Variants in GRIK4 observed in about 807,000 individuals in gnomAD.
The protein encoded by GRIK4 is glutamate ionotropic receptor kainate type subunit 4.
GRIK4 carries 40 observed loss-of-function variants against 104.9 expected under a neutral mutation model. The observed-to-expected ratio is 0.38, with a 90% CI of 0.30 to 0.50. The LOEUF (loss-of-function observed/expected upper bound fraction) is 0.50, where lower values mean the gene tolerates loss of function less well. GRIK4 is among the 20% of genes least tolerant of loss of function. GRIK4 has a pLI of 0.93. For synonymous variants in GRIK4, 485 were observed against 524.9 expected, an observed-to-expected ratio of 0.92 and a Z score of 1.04; for missense variants, 1,047 against 1,308.1, an observed-to-expected ratio of 0.80 and a Z score of 3.08.
intron 1 of GRIK4, among the ~76,000 whole-genome samples, chr11:120,558,017 CAAA>C (rs59960959): frequency 6.1e-4 from 24 of 39,632 alleles, no homozygotes; most frequent in East Asian, 1.9e-3. Context: ...GACTCCGTCT[CAAA>C]AAAAAAAAAA....
At chr11:120,926,389 A>T (rs1163364183) in intron 13 of GRIK4, among the ~76,000 whole-genome samples, 1 of 152,242 alleles carries the variant, frequency 6.6e-6, no homozygotes, top group Non-Finnish European at 1.5e-5. Context: ...AAAGGCTGAC[A>T]CTTCTGGAAC....
intron 3 of GRIK4, among the ~76,000 whole-genome samples, chr11:120,678,247 T>A (rs572583110): frequency 6.2e-4 from 95 of 152,234 alleles, no homozygotes; most frequent in Non-Finnish European, 1.2e-3. Context: ...CCACCTCTGC[T>A]GGTTTCCTTT....
intron 9 of GRIK4, 53 bp downstream of exon 9, chr11:120,862,173 C>CACAGAGGGG: frequency 6.7e-7 from 1 of 1,491,292 alleles, no homozygotes; most frequent in Non-Finnish European, 9.2e-7. Flanking sequence ...GCACATTGCC[C>CACAGAGGGG]CTCTGTGGGC....
intron 19 of GRIK4, among the ~76,000 whole-genome samples, chr11:120,970,047 G>C (rs570922921): frequency 6.6e-6 from 1 of 152,124 alleles, no homozygotes; most frequent in African/African-American, 2.4e-5. Context: ...ACAGAGCCAG[G>C]CACATAGTAG....
intron 1 of GRIK4, among the ~76,000 whole-genome samples, chr11:120,527,474 G>A (rs368938486): frequency 3.3e-5 from 5 of 152,322 alleles, no homozygotes; most frequent in African/African-American, 9.6e-5. Context: ...GCAGAGGAGG[G>A]GAGCAGGGAG....
intron 10 of GRIK4, 102 bp downstream of exon 10, chr11:120,874,320 G>A (rs773469850): frequency 1.3e-5 from 12 of 918,244 alleles, no homozygotes; most frequent in East Asian, 2.7e-5. Context: ...TGCTCGAAAT[G>A]TGTCTGTTAT....
At chr11:120,785,095 G>A (rs1952237886) in intron 3 of GRIK4, among the ~76,000 whole-genome samples, 1 of 152,098 alleles carries the variant, frequency 6.6e-6, no homozygotes, top group Non-Finnish European at 1.5e-5. Context: ...TTCCCACTCT[G>A]TCCCATAAGT....
intron 2 of GRIK4, among the ~76,000 whole-genome samples, chr11:120,657,057 G>T (rs1443929814): frequency 6.6e-6 from 1 of 152,166 alleles, no homozygotes; most frequent in Non-Finnish European, 1.5e-5. Context: ...TGAGGTAAGT[G>T]ATTGTATTTA....
chr11:120,635,315 G>A (rs1336595531), intron 1 of GRIK4, among the ~76,000 whole-genome samples: 4 of 152,220 alleles, frequency 2.6e-5, no homozygotes, highest in Admixed American at 6.5e-5. Context: ...ATTGAGAGGC[G>A]TAGGTCAGAG....
chr11:120,734,379 T>C (rs1951188326), intron 3 of GRIK4, among the ~76,000 whole-genome samples: 2 of 152,214 alleles, frequency 1.3e-5, no homozygotes, highest in African/African-American at 4.8e-5. Context: ...CCCTAACCTG[T>C]AAGGTTTCCA....
At chr11:120,519,901 G>GT (rs529066169) in intron 1 of GRIK4, among the ~76,000 whole-genome samples, 5,333 of 92,032 alleles carry the variant, frequency 0.058, 133 homozygotes, top group South Asian at 0.14. Flanking sequence ...TGTTGTTGTT[G>GT]TTTTTTTTTG....
intron 3 of GRIK4, among the ~76,000 whole-genome samples, chr11:120,672,511 A>G (rs759530747): frequency 2.0e-5 from 3 of 152,244 alleles, no homozygotes; most frequent in Non-Finnish European, 4.4e-5. Context: ...CGAATCTGTG[A>G]ATTACTTTGG....
At chr11:120,629,161 A>T (rs1949300771) in intron 1 of GRIK4, among the ~76,000 whole-genome samples, 1 of 152,136 alleles carries the variant, frequency 6.6e-6, no homozygotes, top group Admixed American at 6.5e-5. Context: ...AAGAAGTTGG[A>T]GAGGTGGGGA....
At chr11:120,928,542 A>G (rs1943404518) in intron 13 of GRIK4, among the ~76,000 whole-genome samples, 2 of 152,144 alleles carry the variant, frequency 1.3e-5, no homozygotes, top group Admixed American at 6.5e-5. Context: ...AGTGAATAGA[A>G]GCCTGTAACA....
Position 120,940,246 on chromosome 11 carries a change from C to A in GRIK4, c.1477-101C>A. 1.4e-6 allele frequency: 1 copy of A among 693,496 alleles called. No homozygotes were observed. The allele number at this position is 693,496 out of a possible 1,614,324, so 43.0% of individuals were successfully genotyped here. A position where few individuals can be genotyped will look rare whatever the true frequency, so the allele number is the denominator to read the frequency against. The stretch of plus-strand genomic sequence containing the variant: ...CCACTCCTCAAGCAAGAAGCCAGAC[C>A]AGCATCACATCTCCAATAGCAGTGA... On this transcript the variant is annotated intron_variant, in intron 13 of 20. Transcript: ENST00000527524. This position sits in a 1 kb window ranked among gnomAD's most constrained non-coding sequence, Gnocchi z 4.3.
intron 3 of GRIK4, among the ~76,000 whole-genome samples, chr11:120,753,973 A>G (rs536850015): frequency 1.9e-4 from 29 of 152,246 alleles, no homozygotes; most frequent in Non-Finnish European, 1.2e-4. Context: ...GTCCCCATTC[A>G]TCCCAGCCCC....
chr11:120,787,812 G>T (rs1289288703), intron 3 of GRIK4, among the ~76,000 whole-genome samples: 1 of 145,124 alleles, frequency 6.9e-6, no homozygotes, highest in East Asian at 2.0e-4. Flanking sequence ...AATGACATAT[G>T]TGCCTTGCAT....
chr11:120,620,471 T>C (rs1055110759), intron 1 of GRIK4, among the ~76,000 whole-genome samples: 7 of 152,006 alleles, frequency 4.6e-5, no homozygotes, highest in Non-Finnish European at 1.0e-4. Flanking sequence ...CTCAGCTGCC[T>C]CCCTGTCCTC....
At chr11:120,566,679 A>G (rs566687471) in intron 1 of GRIK4, among the ~76,000 whole-genome samples, 2 of 151,774 alleles carry the variant, frequency 1.3e-5, no homozygotes, top group African/African-American at 4.8e-5. Context: ...ACATATCACA[A>G]GATTTTTTTT....
Sources: gnomAD v4.1 joint callset for allele counts (sites outside exome capture counted in the v4.1 genomes callset) on GRCh38, gnomAD v4.1.1 for gene constraint, Gnocchi (gnomAD v3.1) non-coding constraint, MANE v1.5 for transcripts, NCBI Gene and HGNC (gene_info 2026-07-23, HGNC 2026-07-21) for gene names.